The following DHRSX variants were observed in gnomAD, a reference collection of about 807,000 sequenced individuals.
DHRSX encodes polyprenol dehydrogenase.
Under a neutral mutation model 34.0 loss-of-function variants are expected in DHRSX, and 31 were observed. The ratio of observed to expected loss-of-function variants is 0.91; its 90% CI spans 0.69 to 1.23. DHRSX has a LOEUF of 1.23. Ranked by LOEUF, DHRSX falls within the 50% of genes most tolerant of loss-of-function variation. DHRSX has a pLI of 0.00. For missense variants in DHRSX, 414 were observed against 428.1 expected, an observed-to-expected ratio of 0.97 and a Z score of 0.29; for synonymous variants, 201 against 183.8, an observed-to-expected ratio of 1.09 and a Z score of -0.76.
At chrX:2,378,530 T>G (rs7391372) in intron 3 of DHRSX, among the ~76,000 whole-genome samples, 63,534 of 151,818 alleles carry the variant, frequency 0.42, 13,685 homozygotes, top group East Asian at 0.53. Flanking sequence ...GTAAAGATAT[T>G]TTCTCATCCT....
chrX:2,432,062 GTGC>G (rs1281242442), intron 1 of DHRSX, among the ~76,000 whole-genome samples: 1 of 152,002 alleles, frequency 6.6e-6, no homozygotes, highest in Non-Finnish European at 1.5e-5. Context: ...GTGGTGGTGT[GTGC>G]CACCTGTAAT....
intron 3 of DHRSX, among the ~76,000 whole-genome samples, chrX:2,378,353 A>G (rs945234308): frequency 2.0e-5 from 3 of 152,150 alleles, no homozygotes; most frequent in Non-Finnish European, 2.9e-5. Flanking sequence ...CCCCTATGAC[A>G]GTGGACCCTT....
chrX:2,462,984 A>G (rs1224535007), intron 1 of DHRSX, among the ~76,000 whole-genome samples: 3 of 152,090 alleles, frequency 2.0e-5, no homozygotes, highest in East Asian at 3.9e-4. Flanking sequence ...CCTCATGAAT[A>G]GGATCACTGT....
intron 1 of DHRSX, among the ~76,000 whole-genome samples, chrX:2,456,352 G>C (rs2044296096): frequency 6.6e-6 from 1 of 152,094 alleles, no homozygotes; most frequent in Non-Finnish European, 1.5e-5. Context: ...AGTGGCTCAT[G>C]CCTGTTATCC....
chrX:2,491,196 A>G (rs917094867), intron 1 of DHRSX, among the ~76,000 whole-genome samples: 8 of 150,274 alleles, frequency 5.3e-5, no homozygotes, highest in Non-Finnish European at 1.2e-4. Flanking sequence ...CAGCTTCCTC[A>G]GTAGCTGGGA....
intron 1 of DHRSX, among the ~76,000 whole-genome samples, chrX:2,444,708 C>T (rs2044105835): frequency 6.6e-6 from 1 of 152,026 alleles, no homozygotes; most frequent in Non-Finnish European, 1.5e-5. Context: ...TGATGGCACA[C>T]ACCTGGAGTC....
intron 3 of DHRSX, among the ~76,000 whole-genome samples, chrX:2,371,560 C>CCCTCCTCCCATTACCATAGTA (rs1556494546): frequency 8.0e-6 from 1 of 125,460 alleles, no homozygotes; most frequent in Admixed American, 8.2e-5. Context: ...TTACCATAGT[C>CCCTCCTCCCATTACCATAGTA]CCTCCTTCCA....
intron 2 of DHRSX, among the ~76,000 whole-genome samples, chrX:2,418,515 G>A (rs1434038020): frequency 2.0e-5 from 3 of 152,140 alleles, no homozygotes; most frequent in Non-Finnish European, 4.4e-5. Flanking sequence ...GTTTGATTAA[G>A]AATTAAACTA....
At chrX:2,482,621 A>G (rs145284565) in intron 1 of DHRSX, among the ~76,000 whole-genome samples, 39 of 152,274 alleles carry the variant, frequency 2.6e-4, no homozygotes, top group African/African-American at 8.7e-4. Flanking sequence ...TTCCCTCAAG[A>G]ATTTAAACAT....
intron 5 of DHRSX, among the ~76,000 whole-genome samples, chrX:2,243,794 T>TTTTTGTTTTGTTTTG (rs1305146900): frequency 1.0e-4 from 1 of 9,982 alleles, no homozygotes; most frequent in African/African-American, 5.2e-4. Flanking sequence ...CCCTGTTTTT[T>TTTTTGTTTTGTTTTG]TTTTTTTTTT....
chrX:2,443,773 G>C (rs1018735037), intron 1 of DHRSX, among the ~76,000 whole-genome samples: 6 of 152,078 alleles, frequency 3.9e-5, no homozygotes, highest in African/African-American at 1.4e-4. Flanking sequence ...TTGGGAGGCC[G>C]AGGCGGGCAG....
At position 2,220,981 on chromosome X, in the gene DHRSX, C is replaced by G. The variant is rs943309130; in HGVS notation, c.*60G>C. 123 of 1,554,780 alleles carry G rather than the reference C, an allele frequency of 7.9e-5. No individual in the cohort carries two copies. The Middle Eastern group carries it at 1.4e-3, about 18-fold the overall frequency. On this transcript the variant is annotated 3_prime_UTR_variant, in exon 7 of 7. Coordinates refer to ENST00000334651, the MANE Select transcript of DHRSX (RefSeq NM_145177.3). ...TCAAACACCGCAGTCTTCACAGACCCACAAGCTATTGGCAGGTGCAATGTG... is the reference window on the plus strand; with the variant it reads ...TCAAACACCGCAGTCTTCACAGACCGACAAGCTATTGGCAGGTGCAATGTG...
intron 2 of DHRSX, among the ~76,000 whole-genome samples, chrX:2,422,236 A>G (rs1352567994): frequency 6.6e-6 from 1 of 152,178 alleles, no homozygotes; most frequent in Non-Finnish European, 1.5e-5. Flanking sequence ...GCGGAGAGGA[A>G]GAAGTCAATC....
At chrX:2,488,185 CTTCTT>C (rs2044998550) in intron 1 of DHRSX, 1 of 158,560 alleles carries the variant, frequency 6.3e-6, no homozygotes, top group Admixed American at 6.5e-5. Context: ...TCTCTTGTGT[CTTCTT>C]TTTTCTTTTT....
chrX:2,310,309 G>C, intron 3 of DHRSX, among the ~76,000 whole-genome samples: 1 of 152,214 alleles, frequency 6.6e-6, no homozygotes, highest in Non-Finnish European at 1.5e-5. Flanking sequence ...CGAACTGCCG[G>C]AATTTGCCAA....
chrX:2,272,410 A>T (rs1002654327), intron 4 of DHRSX, among the ~76,000 whole-genome samples: 1 of 152,082 alleles, frequency 6.6e-6, no homozygotes. Context: ...CAGGCCTGCA[A>T]ATTCTTTTGA....
chrX:2,254,845 C>T (rs1221943619), intron 5 of DHRSX, among the ~76,000 whole-genome samples: 1 of 151,776 alleles, frequency 6.6e-6, no homozygotes, highest in Non-Finnish European at 1.5e-5. Context: ...GGGGTTTCAC[C>T]ACATTGGCCA....
At chrX:2,232,411 C>A (rs1164477244) in intron 6 of DHRSX, among the ~76,000 whole-genome samples, 1 of 151,994 alleles carries the variant, frequency 6.6e-6, no homozygotes, top group African/African-American at 2.4e-5. Context: ...GAACTATCTT[C>A]TTTTGTCCAC....
chrX:2,461,082 G>A (rs1244878795), intron 1 of DHRSX, among the ~76,000 whole-genome samples: 5 of 152,088 alleles, frequency 3.3e-5, no homozygotes, highest in South Asian at 2.1e-4. Context: ...CAAGAATTTA[G>A]ACATGTAAGA....
Sources: allele counts gnomAD v4.1 joint callset (sites outside exome capture counted in the v4.1 genomes callset), GRCh38; gene constraint gnomAD v4.1.1; transcripts MANE v1.5; gene names NCBI Gene and HGNC (gene_info 2026-07-23, HGNC 2026-07-21).